The following ZNF521 variants were observed in gnomAD, a reference collection of about 807,000 sequenced individuals.
ZNF521 encodes the protein zinc finger protein 521, also known as LYST-interacting protein 3.
In ZNF521, 14 loss-of-function variants were observed where a neutral mutation model predicts 105.5. The ratio of observed to expected loss-of-function variants is 0.13; its 90% CI spans 0.09 to 0.21. ZNF521 has a LOEUF of 0.21. Among genes scored for constraint, ZNF521 ranks in the 10% least tolerant of loss-of-function variants. The probability of loss-of-function intolerance (pLI) is 1.00; values close to 1 mark genes in which losing one functional copy is unlikely to be tolerated. For missense variants in ZNF521, 1,233 were observed against 1,629.7 expected, an observed-to-expected ratio of 0.76 and a Z score of 4.19; for synonymous variants, 635 against 606.0, an observed-to-expected ratio of 1.05 and a Z score of -0.70.
chr18:25,223,301 C>G (rs974575183), intron 4 of ZNF521, among the ~76,000 whole-genome samples: 3 of 152,204 alleles, frequency 2.0e-5, no homozygotes, highest in African/African-American at 7.2e-5. Context: ...GCCTGCCACA[C>G]AGATGCCACA....
rs1361231865 is a variant in ZNF521 at position 25,225,611 on chromosome 18, G to C, written c.2307C>G (p.Leu769=). ...WDFRNETDLQ[L]HVKHNHLENQ... is the part of the protein sequence containing the mutation. ...TTTCCAGGTGGTTGTGTTTCACATGGAGCTGCAAGTCAGTTTCGTTGCGGA... is the reference window on the plus strand; with the variant it reads ...TTTCCAGGTGGTTGTGTTTCACATGCAGCTGCAAGTCAGTTTCGTTGCGGA... Residue 769 remains leucine (L), a synonymous_variant, in exon 4 of 8, where the codon CTC becomes CTG. Coordinates refer to ENST00000361524, the MANE Select transcript of ZNF521 (RefSeq NM_015461.3). The surrounding 1 kb of genome is among the most constrained non-coding windows in gnomAD (Gnocchi z 5.6). 6.2e-7 allele frequency: 1 copy of C among 1,614,048 alleles called. No homozygotes were observed. The highest frequency in any genetic ancestry group is 1.3e-5 in the African/African-American group (1 of 74,912).
Position 25,224,604 on chromosome 18 carries a change from G to C in ZNF521, c.3314C>G (p.Pro1105Arg). ...GCVNLSKSAS[P>R]GINVPPGTNR... ...CGTGCCGGGAGGGACGTTAATGCCTGGGCTGGCGCTCTTACTGAGATTCAC... is the reference window on the plus strand; with the variant it reads ...CGTGCCGGGAGGGACGTTAATGCCTCGGCTGGCGCTCTTACTGAGATTCAC... The change falls in exon 4 of 8, where the codon CCA becomes CGA. Residue 1105 changes from proline to arginine, a missense_variant. By Grantham distance (103) the Pro-to-Arg change is moderately radical. Coordinates refer to ENST00000361524, the MANE Select transcript of ZNF521 (RefSeq NM_015461.3). The C allele has an allele frequency of 6.2e-7, 1 of 1,614,094 alleles. No individual in the cohort carries two copies. The highest frequency in any genetic ancestry group is 8.5e-7 in the Non-Finnish European group (1 of 1,180,012).
Position 25,299,512 on chromosome 18 carries a change from T to G in ZNF521, c.220+22496A>C, listed in dbSNP as rs572487831. Among the ~76,000 whole-genome samples the G allele has an allele frequency of 2.4e-4, 37 of 152,322 alleles. 1 individual carries two copies. The highest frequency in any genetic ancestry group is 8.7e-4 in the African/African-American group (36 of 41,578). The stretch of plus-strand genomic sequence containing the variant: ...AATACCTGAAATACAACTCAATTAC[T>G]GTGCTGTATACAAAAAACCCCTAAC... On this transcript the variant is annotated intron_variant, in intron 3 of 7. Transcript: ENST00000361524.
At chr18:25,294,892 T>C (rs2145045293) in intron 3 of ZNF521, among the ~76,000 whole-genome samples, 1 of 146,058 alleles carries the variant, frequency 6.8e-6, no homozygotes, top group East Asian at 2.1e-4. Flanking sequence ...GGAGCAGGTT[T>C]GGGCAGAAAT....
chr18:25,321,123 T>C (rs773188561), intron 3 of ZNF521, among the ~76,000 whole-genome samples: 4 of 152,172 alleles, frequency 2.6e-5, no homozygotes, highest in African/African-American at 7.2e-5. Flanking sequence ...AAGATTTGTG[T>C]TGGGAAAATA....
At chr18:25,155,652 C>T (rs2035129337) in intron 5 of ZNF521, among the ~76,000 whole-genome samples, 1 of 152,018 alleles carries the variant, frequency 6.6e-6, no homozygotes, top group South Asian at 2.1e-4. Context: ...TCTGGTTTTC[C>T]CAGTAGCATG....
intron 7 of ZNF521, among the ~76,000 whole-genome samples, chr18:25,080,609 A>T (rs368384117): frequency 3.9e-4 from 60 of 152,328 alleles, no homozygotes; most frequent in Non-Finnish European, 2.6e-4. Context: ...AGCTCATTTC[A>T]CCCGGCTGTC....
At chr18:25,200,003 A>C (rs2035965054) in intron 4 of ZNF521, among the ~76,000 whole-genome samples, 1 of 152,090 alleles carries the variant, frequency 6.6e-6, no homozygotes, top group Non-Finnish European at 1.5e-5. Context: ...AGTCCTGTTA[A>C]GAGTAGATAA....
chr18:25,350,973 T>A (rs1914724070), intron 1 of ZNF521, 26 bp from the exon 2 acceptor site: 1 of 1,540,372 alleles, frequency 6.5e-7, no homozygotes, highest in African/African-American at 1.4e-5. Context: ...TGAAGTTGTT[T>A]CAATTCAGCC....
intron 7 of ZNF521, among the ~76,000 whole-genome samples, chr18:25,069,094 T>C (rs1376356076): frequency 1.3e-5 from 2 of 152,242 alleles, no homozygotes; most frequent in African/African-American, 2.4e-5. Flanking sequence ...ACTAAATCTC[T>C]GGTTCGAATC....
At chr18:25,151,700 C>T (rs935194973) in intron 5 of ZNF521, among the ~76,000 whole-genome samples, 1 of 152,148 alleles carries the variant, frequency 6.6e-6, no homozygotes, top group Non-Finnish European at 1.5e-5. Context: ...AGGCAGGCAT[C>T]ATGCAGAAGT....
At chr18:25,180,383 T>C (rs2035611706) in intron 5 of ZNF521, among the ~76,000 whole-genome samples, 1 of 152,138 alleles carries the variant, frequency 6.6e-6, no homozygotes, top group Non-Finnish European at 1.5e-5. Context: ...GGTTCTGGGA[T>C]ACAGGAGACA....
At chr18:25,237,514 C>T (rs1007885995) in intron 3 of ZNF521, among the ~76,000 whole-genome samples, 10 of 151,984 alleles carry the variant, frequency 6.6e-5, no homozygotes, top group African/African-American at 2.4e-4. Context: ...CAAAATCAGG[C>T]CTCAAAAACC....
Position 25,227,327 on chromosome 18 carries a change from C to A in ZNF521, c.591G>T (p.Thr197=). 6.2e-7 allele frequency: 1 copy of A among 1,614,102 alleles called. No homozygotes were observed. The highest frequency in any genetic ancestry group is 8.5e-7 in the Non-Finnish European group (1 of 1,180,008). Residue 197 remains threonine (T), a synonymous_variant, in exon 4 of 8, where the codon ACG becomes ACT. Coordinates refer to ENST00000361524, the MANE Select transcript of ZNF521 (RefSeq NM_015461.3). The surrounding 1 kb of genome is among the most constrained non-coding windows in gnomAD (Gnocchi z 5.7). Reference sequence around the variant, plus strand: ...TGGCACATTTATATGGCTTGTTGGACGTGTGAGTCTTTAAGTGGATCTTCA... The same window carrying A: ...TGGCACATTTATATGGCTTGTTGGAAGTGTGAGTCTTTAAGTGGATCTTCA... ...DHLKIHLKTH[T]SNKPYKCAIC...
chr18:25,143,290 G>C (rs2034884432), intron 5 of ZNF521, among the ~76,000 whole-genome samples: 2 of 152,104 alleles, frequency 1.3e-5, no homozygotes, highest in Admixed American at 1.3e-4. Flanking sequence ...TGCCTAAACA[G>C]AAATTTATTA....
chr18:25,209,575 C>T (rs570276704), intron 4 of ZNF521, among the ~76,000 whole-genome samples: 3 of 152,254 alleles, frequency 2.0e-5, no homozygotes, highest in East Asian at 3.9e-4. Flanking sequence ...CCCTTTCAAA[C>T]GAACTGCTTC....
rs183834453 is a variant in ZNF521, at chr18:25,147,327, T to C, written c.3658+47833A>G. On this transcript the variant is annotated intron_variant, in intron 5 of 7. Coordinates refer to ENST00000361524, the MANE Select transcript of ZNF521 (RefSeq NM_015461.3). ...TATTTTATAAGGAAGTTTTAGGTTA[T>C]ATGAACCTTTAATACTTGGCCATAA... Among the ~76,000 whole-genome samples, 56 of 152,318 alleles carry C rather than the reference T, an allele frequency of 3.7e-4. 1 individual carries two copies. The East Asian group carries it at 4.6e-3, about 13-fold the overall frequency.
At chr18:25,217,531 A>C (rs1306380685) in intron 4 of ZNF521, among the ~76,000 whole-genome samples, 1 of 152,188 alleles carries the variant, frequency 6.6e-6, no homozygotes, top group Admixed American at 6.5e-5. Flanking sequence ...CCAGGAGTCT[A>C]GGGTATACAT....
chr18:25,293,621 AT>A (rs1911162949), intron 3 of ZNF521, among the ~76,000 whole-genome samples: 1 of 152,146 alleles, frequency 6.6e-6, no homozygotes, highest in African/African-American at 2.4e-5. Context: ...ACACTTGGAG[AT>A]TTTATGCTCT....
Sources: gnomAD v4.1 joint callset for allele counts (sites outside exome capture counted in the v4.1 genomes callset) on GRCh38, gnomAD v4.1.1 for gene constraint, Gnocchi (gnomAD v3.1) non-coding constraint, MANE v1.5 for transcripts, NCBI Gene and HGNC (gene_info 2026-07-23, HGNC 2026-07-21) for gene names.